Variants in TRIP12 observed in about 807,000 individuals in gnomAD.
TRIP12 encodes the protein thyroid hormone receptor interactor 12.
Under a neutral mutation model 244.2 loss-of-function variants are expected in TRIP12, and 25 were observed. The observed-to-expected ratio is 0.10, with a 90% CI of 0.07 to 0.14. The LOEUF (loss-of-function observed/expected upper bound fraction) is 0.14. Ranked by LOEUF, TRIP12 falls within the 10% of genes least tolerant of loss-of-function variation. The pLI is 1.00. For missense variants in TRIP12, 1,677 were observed against 2,486.4 expected, an observed-to-expected ratio of 0.67 and a Z score of 6.92; for synonymous variants, 905 against 873.1, an observed-to-expected ratio of 1.04 and a Z score of -0.64.
chr2:229,791,871 T>C lies in TRIP12; in HGVS notation c.4410A>G (p.Thr1470=), dbSNP rs1309794923. 2 of 1,611,922 alleles carry C rather than the reference T, an allele frequency of 1.2e-6. No individual in the cohort carries two copies. Among genetic ancestry groups the C allele is most frequent in the Non-Finnish European group, 1.7e-6 (2 of 1,179,448 alleles). The part of the protein sequence containing the change: ...GRAGIWTKTH[T]IWYKPVREDE... ...GAAAGAATTTTCAGACTTGCCATAT[T>C]GTATGAGTCTTTGTCCAAATACCAG... The change falls in exon 29 of 42, where the codon ACA becomes ACG. Residue 1470 remains threonine, a synonymous_variant. Transcript: ENST00000675903.
At chr2:229,824,027 T>A (rs1399940674) in intron 8 of TRIP12, among the ~76,000 whole-genome samples, 1 of 152,138 alleles carries the variant, frequency 6.6e-6, no homozygotes, top group Non-Finnish European at 1.5e-5. Flanking sequence ...AAAACAGATA[T>A]TCTAAGTAAC....
chr2:229,914,114 G>T (rs568700977), intron 1 of TRIP12, among the ~76,000 whole-genome samples: 2 of 152,080 alleles, frequency 1.3e-5, no homozygotes, highest in Non-Finnish European at 2.9e-5. Context: ...GCAGGGAATC[G>T]CTTGAACCAA....
chr2:229,878,386 G>T (rs1240819903), intron 2 of TRIP12, among the ~76,000 whole-genome samples: 1 of 150,850 alleles, frequency 6.6e-6, no homozygotes, highest in African/African-American at 2.4e-5. Flanking sequence ...GGAGGTGGAG[G>T]TTGCAGTGAG....
At position 229,764,181 on chromosome 2, in the gene TRIP12, A is replaced by G. The variant is rs2031128089; in HGVS notation, c.*3373T>C. ...CCAATCCTGTTTTCTATATTTATAA[A>G]TGCTATTTTGTCTGGATTTTTTTTT... On this transcript the variant is annotated 3_prime_UTR_variant, in exon 42 of 42. Transcript: ENST00000675903. The G allele has an allele frequency of 3.3e-5, 5 of 152,162 alleles. No homozygotes were observed. Among genetic ancestry groups the G allele is most frequent in the Admixed American group, 2.6e-4 (4 of 15,280 alleles). 9.4% of individuals were successfully genotyped at this position (152,162 alleles called of 1,614,324 possible).
chr2:229,843,959 A>T lies in TRIP12; in HGVS notation c.1028-3032T>A, dbSNP rs184689889. On this transcript the variant is annotated intron_variant, in intron 4 of 41. Coordinates refer to ENST00000675903, the MANE Select transcript of TRIP12 (RefSeq NM_001348323.3). ...AAAAAAAGAACATGTATTCCTAATT[A>T]AAAAAAAAAACTGATTTATTCAAAG... Among the ~76,000 whole-genome samples the T allele has an allele frequency of 8.4e-4, 119 of 142,098 alleles. 1 individual carries two copies. In the East Asian group the frequency reaches 0.015, roughly 18 times the overall value. 93.2% of individuals were successfully genotyped at this position (142,098 alleles called of 152,430 possible). A position where few individuals can be genotyped will look rare whatever the true frequency, so the allele number is the denominator to read the frequency against.
intron 4 of TRIP12, among the ~76,000 whole-genome samples, chr2:229,844,923 C>T (rs146825830): frequency 4.6e-5 from 7 of 152,268 alleles, no homozygotes; most frequent in Non-Finnish European, 5.9e-5. Flanking sequence ...CTCTTCTCCA[C>T]GTGGTACCAT....
rs778829341 is a variant in TRIP12, at chr2:229,778,504, T to C, written c.5293A>G (p.Ile1765Val). The change falls in exon 36 of 42, where the codon ATC becomes GTC. Residue 1765 changes from isoleucine (I) to valine (V), a missense_variant. By Grantham distance (29) the Ile-to-Val change is conservative. Coordinates refer to ENST00000675903, the MANE Select transcript of TRIP12 (RefSeq NM_001348323.3). This position sits in a 1 kb window ranked among gnomAD's most constrained non-coding sequence, Gnocchi z 4.1. ...PFGRTAKPAH[I>V]AKVKMKFRFL... ...CGAAACTTCATCTTAACCTTTGCGA[T>C]ATGAGCTGGCTTTGCTGTCCTACCA... 1 of 1,614,068 alleles carries C rather than the reference T, an allele frequency of 6.2e-7. No individual in the cohort carries two copies. Among genetic ancestry groups the C allele is most frequent in the Non-Finnish European group, 8.5e-7 (1 of 1,179,932 alleles).
Position 229,917,380 on chromosome 2 carries a change from C to CAAAAAAAAAA in TRIP12, c.-50+4490_-50+4499dup, listed in dbSNP as rs60397605. On this transcript the variant is annotated intron_variant, in intron 1 of 41. Transcript: ENST00000675903. ...TGGGCAACAGAGCGAGACTCTGTCT[C>CAAAAAAAAAA]AAAAAAAAAAAAAAAAAAAAAAAAA... 4.8e-3 allele frequency among the ~76,000 whole-genome samples: 140 copies of CAAAAAAAAAA among 29,266 alleles called. 29 individuals are homozygous for CAAAAAAAAAA. Among genetic ancestry groups the CAAAAAAAAAA allele is most frequent in the East Asian group, 6.8e-3 (4 of 590 alleles). 19.2% of individuals were successfully genotyped at this position (29,266 alleles called of 152,430 possible).
intron 2 of TRIP12, among the ~76,000 whole-genome samples, chr2:229,874,453 A>T (rs1047443546): frequency 2.0e-5 from 3 of 152,178 alleles, no homozygotes; most frequent in African/African-American, 7.2e-5. Flanking sequence ...TCACATTCAA[A>T]TATGATAGGC....
At chr2:229,808,057 C>T (rs1471989764) in intron 16 of TRIP12, among the ~76,000 whole-genome samples, 193 bp from the exon 17 acceptor site, 2 of 152,076 alleles carry the variant, frequency 1.3e-5, no homozygotes, top group Non-Finnish European at 2.9e-5. Flanking sequence ...CCTCCGCCTC[C>T]CAGGTTCAAG....
At chr2:229,872,820 T>G (rs1056257142) in intron 2 of TRIP12, among the ~76,000 whole-genome samples, 2 of 152,200 alleles carry the variant, frequency 1.3e-5, no homozygotes, top group African/African-American at 4.8e-5. Context: ...TCCTAACCAG[T>G]GTATGTCATT....
intron 18 of TRIP12, 135 bp from the exon 19 acceptor site, chr2:229,804,362 C>T: frequency 1.4e-6 from 1 of 705,440 alleles, no homozygotes; most frequent in Non-Finnish European, 2.3e-6. Flanking sequence ...AACACATGAA[C>T]TTCTATGATA....
intron 5 of TRIP12, among the ~76,000 whole-genome samples, chr2:229,839,604 G>A (rs956672905): frequency 4.6e-5 from 7 of 152,002 alleles, no homozygotes; most frequent in South Asian, 2.1e-4. Context: ...GCGTGAACCC[G>A]GGAGGCAGAG....
intron 1 of TRIP12, among the ~76,000 whole-genome samples, chr2:229,915,035 G>C (rs539671393): frequency 1.3e-5 from 2 of 152,082 alleles, no homozygotes; most frequent in Non-Finnish European, 2.9e-5. Context: ...GGTGTATCAC[G>C]TGAGGTCAGG....
At chr2:229,817,871 A>T (rs2048895543) in intron 9 of TRIP12, among the ~76,000 whole-genome samples, 1 of 152,196 alleles carries the variant, frequency 6.6e-6, no homozygotes, top group Non-Finnish European at 1.5e-5. Context: ...TTGGGATTAC[A>T]GGCGTCAGAC....
intron 36 of TRIP12, among the ~76,000 whole-genome samples, chr2:229,777,785 C>A (rs200491730): frequency 6.6e-6 from 1 of 152,126 alleles, no homozygotes; most frequent in East Asian, 1.9e-4. Context: ...ATAAACTGCC[C>A]ACTCTTCAGT....
intron 37 of TRIP12, among the ~76,000 whole-genome samples, chr2:229,776,153 A>C (rs1468925355): frequency 6.6e-6 from 1 of 152,146 alleles, no homozygotes; most frequent in Non-Finnish European, 1.5e-5. Flanking sequence ...TTTGCTCACC[A>C]GTAAAATAGA....
chr2:229,788,972 A>T (rs773008088), intron 31 of TRIP12, 32 bp from the exon 32 acceptor site: 17 of 1,552,882 alleles, frequency 1.1e-5, no homozygotes, highest in Non-Finnish European at 1.5e-5. Flanking sequence ...AAAAGTCTAC[A>T]TGTAGTAAAA....
intron 34 of TRIP12, among the ~76,000 whole-genome samples, chr2:229,781,540 A>G (rs73099245): frequency 0.15 from 22,611 of 152,202 alleles, 1,749 homozygotes; most frequent in Admixed American, 0.2. Flanking sequence ...CAGGCTCCAC[A>G]TTCCCTGCTC....
Sources: allele counts gnomAD v4.1 joint callset (sites outside exome capture counted in the v4.1 genomes callset), GRCh38; gene constraint gnomAD v4.1.1; non-coding constraint Gnocchi (gnomAD v3.1); transcripts MANE v1.5; gene names NCBI Gene and HGNC (gene_info 2026-07-23, HGNC 2026-07-21).